The following SPATA6L variants were observed in gnomAD, a reference collection of about 807,000 sequenced individuals.
SPATA6L encodes the protein spermatogenesis associated 6 like.
A neutral mutation model predicts 49.2 loss-of-function variants in SPATA6L; 68 were observed. The observed-to-expected ratio is 1.38, with a 90% CI of 1.14 to 1.69. The LOEUF (loss-of-function observed/expected upper bound fraction) is 1.69. Ranked by LOEUF, SPATA6L falls within the 40% of genes most tolerant of loss-of-function variation. The pLI, the probability that SPATA6L is intolerant of heterozygous loss-of-function variation, is 0.00. For synonymous variants in SPATA6L, 198 were observed against 165.7 expected, an observed-to-expected ratio of 1.19 and a Z score of -1.50; for missense variants, 668 against 464.3, an observed-to-expected ratio of 1.44 and a Z score of -4.03.
chr9:4,624,372 G>A (rs1280298733), intron 6 of SPATA6L, among the ~76,000 whole-genome samples: 1 of 152,170 alleles, frequency 6.6e-6, no homozygotes, highest in Non-Finnish European at 1.5e-5. Flanking sequence ...TTATTATGCT[G>A]GTGACCCAAT....
At chr9:4,650,249 T>C (rs1278856197) in intron 3 of SPATA6L, among the ~76,000 whole-genome samples, 1 of 152,210 alleles carries the variant, frequency 6.6e-6, no homozygotes, top group Non-Finnish European at 1.5e-5. Context: ...CTCAGCTCAC[T>C]TGGTACTTGT....
intron 13 of SPATA6L, among the ~76,000 whole-genome samples, chr9:4,592,752 T>A (rs1821990481): frequency 6.6e-6 from 1 of 152,332 alleles, no homozygotes; most frequent in African/African-American, 2.4e-5. Flanking sequence ...ATATAGTAGC[T>A]CTTACGTTGT....
rs578001313 is a variant in SPATA6L, at chr9:4,623,395, C to T, written c.670-885G>A. ...AAAATTGGGTAACATGATCTGCAAA[C>T]AGGTCAAAATACTTGAACTAGGGAC... is the stretch of plus-strand genomic sequence containing the variant. On this transcript the variant is annotated intron_variant, in intron 6 of 11. Coordinates refer to ENST00000682582, the MANE Select transcript of SPATA6L (RefSeq NM_001353486.2). Among the ~76,000 whole-genome samples, 8 of 152,242 alleles carry T rather than the reference C, an allele frequency of 5.3e-5. No individual in the cohort carries two copies. The South Asian group carries it at 1.5e-3, about 28-fold the overall frequency.
chr9:4,663,373 C>G (rs1840330903), intron 1 of SPATA6L: 2 of 1,184,932 alleles, frequency 1.7e-6, no homozygotes, highest in African/African-American at 1.5e-5. Context: ...TTCAGGCTTC[C>G]TTTGGGATTT....
chr9:4,620,447 G>C (rs576267538), intron 7 of SPATA6L, among the ~76,000 whole-genome samples: 1 of 152,308 alleles, frequency 6.6e-6, no homozygotes, highest in East Asian at 1.9e-4. Context: ...GTTAGAAAAG[G>C]AGAATCCTAA....
At chr9:4,627,822 A>G in intron 5 of SPATA6L, 1 of 1,289,106 alleles carries the variant, frequency 7.8e-7, no homozygotes, top group South Asian at 1.2e-5. Flanking sequence ...TGTTTACTGC[A>G]GCACTATTCA....
chr9:4,638,291 T>C (rs1348021435), intron 3 of SPATA6L, among the ~76,000 whole-genome samples: 1 of 152,098 alleles, frequency 6.6e-6, no homozygotes, highest in Admixed American at 6.6e-5. Context: ...GGCTCACTGC[T>C]ACCTCTGCCT....
intron 3 of SPATA6L, among the ~76,000 whole-genome samples, chr9:4,639,010 G>A (rs192931620): frequency 3.3e-5 from 5 of 152,048 alleles, no homozygotes; most frequent in African/African-American, 1.2e-4. Context: ...TATGTGATCT[G>A]GGGCAAATCA....
In SPATA6L at chr9:4,663,542, G is replaced by A. The variant is rs930969434; in HGVS notation, c.40-1506C>T. On this transcript the variant is annotated intron_variant, in intron 1 of 11. Transcript: ENST00000682582. The stretch of plus-strand genomic sequence containing the variant: ...TCCAGGACAACTGCAAAGAAAACAA[G>A]CTGAGGTGGTTATACTGTTGCTGTT... 1.3e-4 allele frequency: 51 copies of A among 380,864 alleles called. No individual in the cohort carries two copies. In the East Asian group the frequency reaches 2.2e-3, roughly 17 times the overall value. The allele number at this position is 380,864 out of a possible 1,614,324, so 23.6% of individuals were successfully genotyped here.
chr9:4,639,931 G>A (rs1304885240), intron 3 of SPATA6L, among the ~76,000 whole-genome samples: 1 of 152,192 alleles, frequency 6.6e-6, no homozygotes, highest in Non-Finnish European at 1.5e-5. Flanking sequence ...ATGCCACACG[G>A]CTAGTGATAC....
At chr9:4,622,090 G>A (rs1829438965) in intron 7 of SPATA6L, among the ~76,000 whole-genome samples, 1 of 152,170 alleles carries the variant, frequency 6.6e-6, no homozygotes, top group African/African-American at 2.4e-5. Context: ...CATCAATGGT[G>A]ACTTTGCAAG....
At position 4,661,952 on chromosome 9, in the gene SPATA6L, T is replaced by C. The variant is rs780340186; in HGVS notation, c.124A>G (p.Ser42Gly). 3 of 1,614,100 alleles carry C rather than the reference T, an allele frequency of 1.9e-6. No individual in the cohort carries two copies. The South Asian group carries it at 3.3e-5, about 18-fold the overall frequency. The change falls in exon 2 of 12, where the codon AGC becomes GGC. Residue 42 changes from serine (S) to glycine (G), a missense_variant. Transcript: ENST00000682582. ...ATAATGGGGAACGCAGAGGGAAAGCTGTTGGTCTCCAGGTACTGATTCATG... is the reference window on the plus strand; with the variant it reads ...ATAATGGGGAACGCAGAGGGAAAGCCGTTGGTCTCCAGGTACTGATTCATG... ...YLMNQYLETNSFPSAFPIMIQ... is the reference protein window; with the variant it reads ...YLMNQYLETNGFPSAFPIMIQ...
In SPATA6L at chr9:4,592,299, A is replaced by G. The variant is rs1821956232; in HGVS notation, c.*255-3338T>C. ...CACTGCACTCCAGCCTGGGTGACAG[A>G]GGGAGACTCCATCTCAAAAAAAAAA... On this transcript the variant is annotated intron_variant and NMD_transcript_variant, in intron 13 of 13. Transcript: ENST00000461761. 2.3e-5 allele frequency among the ~76,000 whole-genome samples: 3 copies of G among 131,652 alleles called. No individual in the cohort carries two copies. The East Asian group carries it at 6.3e-4, about 28-fold the overall frequency. The allele number at this position is 131,652 out of a possible 152,430, so 86.4% of individuals were successfully genotyped here.
At position 4,618,125 on chromosome 9, in the gene SPATA6L, G is replaced by A. The variant is rs753891071; in HGVS notation, c.808-15C>T. The A allele has an allele frequency of 1.9e-6, 3 of 1,579,622 alleles. No individual in the cohort carries two copies. In the East Asian group the frequency reaches 6.9e-5, roughly 37 times the overall value. ...TCTTTGATAACCTGAGTGACAATATGCATTATTTAGTTGTAATTTTGCTTC... is the reference window on the plus strand; with the variant it reads ...TCTTTGATAACCTGAGTGACAATATACATTATTTAGTTGTAATTTTGCTTC... On this transcript the variant is annotated splice_polypyrimidine_tract_variant and intron_variant, in intron 8 of 11. Coordinates refer to ENST00000682582, the MANE Select transcript of SPATA6L (RefSeq NM_001353486.2).
rs374523936 is a variant in SPATA6L at position 4,662,827 on chromosome 9, T to G, written c.40-791A>C. 4.4e-6 allele frequency: 7 copies of G among 1,605,046 alleles called. No homozygotes were observed. The highest frequency in any genetic ancestry group is 5.1e-6 in the Non-Finnish European group (6 of 1,179,944). On this transcript the variant is annotated intron_variant, in intron 1 of 11. Transcript: ENST00000682582. This position sits in a 1 kb window ranked among gnomAD's most constrained non-coding sequence, Gnocchi z 4.9. The stretch of plus-strand genomic sequence containing the variant: ...GGCATCCCCTGGCTGCTGGGCACCC[T>G]CTACTGCCTGTGCAGGAGCGACAGC...
chr9:4,638,916 C>G (rs1239646420), intron 3 of SPATA6L, among the ~76,000 whole-genome samples: 3 of 152,020 alleles, frequency 2.0e-5, no homozygotes, highest in Non-Finnish European at 4.4e-5. Flanking sequence ...TCCCGAGTAA[C>G]TGGGACTACA....
At position 4,644,902 on chromosome 9, in the gene SPATA6L, T is replaced by C. The variant is rs552642346; in HGVS notation, c.227-9503A>G. On this transcript the variant is annotated intron_variant, in intron 3 of 11. Coordinates refer to ENST00000682582, the MANE Select transcript of SPATA6L (RefSeq NM_001353486.2). The stretch of plus-strand genomic sequence containing the variant: ...GCTTCCTCCTAGAATCTCATGATTC[T>C]AGCACAGGGGTCACAGACTTTCTGT... Among the ~76,000 whole-genome samples, 12 of 152,338 alleles carry C rather than the reference T, an allele frequency of 7.9e-5. No homozygotes were observed. The East Asian group carries it at 1.9e-3, about 24-fold the overall frequency.
intron 4 of SPATA6L, 36 bp from the exon 5 acceptor site, chr9:4,629,204 T>G: frequency 6.9e-7 from 1 of 1,441,452 alleles, no homozygotes; most frequent in Non-Finnish European, 9.6e-7. Context: ...ATAAAATTAC[T>G]AGAAACAGTT....
chr9:4,611,851 C>G (rs548203505), intron 9 of SPATA6L, among the ~76,000 whole-genome samples: 3 of 151,846 alleles, frequency 2.0e-5, no homozygotes, highest in East Asian at 3.9e-4. Context: ...AAAATTTAAT[C>G]CCAGTAGTTG....
Sources: allele counts gnomAD v4.1 joint callset (sites outside exome capture counted in the v4.1 genomes callset), GRCh38; gene constraint gnomAD v4.1.1; non-coding constraint Gnocchi (gnomAD v3.1); transcripts MANE v1.5; gene names NCBI Gene and HGNC (gene_info 2026-07-23, HGNC 2026-07-21).